Variants in ESR2 observed in about 807,000 individuals in gnomAD.
ESR2 encodes estrogen receptor 2.
Under a neutral mutation model 49.6 loss-of-function variants are expected in ESR2, and 36 were observed. The ratio of observed to expected loss-of-function variants is 0.73; its 90% confidence interval spans 0.56 to 0.96. ESR2 has a LOEUF of 0.96. Ranked by LOEUF, ESR2 falls within the 40% of genes least tolerant of loss-of-function variation. ESR2 has a pLI of 0.00. For synonymous variants in ESR2, 320 were observed against 266.1 expected, an observed-to-expected ratio of 1.20 and a Z score of -1.97; for missense variants, 714 against 693.0, an observed-to-expected ratio of 1.03 and a Z score of -0.34.
intron 1 of ESR2, among the ~76,000 whole-genome samples, chr14:64,329,211 G>C (rs966649284): frequency 3.3e-5 from 5 of 152,052 alleles, no homozygotes; most frequent in Non-Finnish European, 7.4e-5. Flanking sequence ...TAAGTACAAG[G>C]ATCTTTACAA....
At chr14:64,277,100 T>TC (rs894453877) in intron 3 of ESR2, among the ~76,000 whole-genome samples, 1 of 152,070 alleles carries the variant, frequency 6.6e-6, no homozygotes, top group African/African-American at 2.4e-5. Context: ...AGTGATGAGG[T>TC]CCTTCTCCCT....
chr14:64,294,109 G>A lies in ESR2; in HGVS notation c.-167C>T, dbSNP rs1187424625. On this transcript the variant is annotated 5_prime_UTR_variant, in exon 1 of 9. Transcript: ENST00000341099. ...TTTCCCGCATTAGGGGGGGTCTCCC[G>A]GCGCGCGCCCCGCCGCCACCTGTTG... The A allele has an allele frequency of 2.0e-5, 3 of 152,310 alleles. No homozygotes were observed. Among genetic ancestry groups the A allele is most frequent in the African/African-American group, 7.2e-5 (3 of 41,434 alleles). 9.4% of individuals were successfully genotyped at this position (152,310 alleles called of 1,614,324 possible).
At chr14:64,267,529 T>C (rs184968528) in intron 4 of ESR2, among the ~76,000 whole-genome samples, 1 of 151,954 alleles carries the variant, frequency 6.6e-6, no homozygotes, top group African/African-American at 2.4e-5. Flanking sequence ...ATCTGTTACA[T>C]ACACAGAGAA....
chr14:64,247,104 T>G (rs2075876591), intron 7 of ESR2, among the ~76,000 whole-genome samples: 1 of 152,218 alleles, frequency 6.6e-6, no homozygotes, highest in Admixed American at 6.5e-5. Flanking sequence ...ATGTATGGTC[T>G]GTTGCCCATT....
intron 1 of ESR2, among the ~76,000 whole-genome samples, chr14:64,299,467 C>A (rs2140862403): frequency 7.0e-6 from 1 of 143,394 alleles, no homozygotes; most frequent in African/African-American, 2.6e-5. Context: ...GTGGCACAAT[C>A]TTCCGCCTCA....
At chr14:64,297,633 CA>C (rs1567787610), upstream of ESR2, 2 of 152,204 alleles carry the variant, frequency 1.3e-5, no homozygotes, top group Admixed American at 6.5e-5. Flanking sequence ...ACGCGTTCAA[CA>C]AATGTTTGCT....
At chr14:64,323,795 G>A (rs1396158817) in intron 1 of ESR2, among the ~76,000 whole-genome samples, 1 of 152,072 alleles carries the variant, frequency 6.6e-6, no homozygotes, top group Non-Finnish European at 1.5e-5. Flanking sequence ...AGGTTCAATC[G>A]ATTCTCCTGC....
At chr14:64,283,800 T>C (rs1399089398) in intron 1 of ESR2, among the ~76,000 whole-genome samples, 3 of 91,652 alleles carry the variant, frequency 3.3e-5, no homozygotes, top group East Asian at 3.6e-4. Context: ...CCGAAAAAAG[T>C]TTTTAAAAGA....
chr14:64,288,710 G>A (rs568403013), intron 1 of ESR2, among the ~76,000 whole-genome samples: 2 of 151,330 alleles, frequency 1.3e-5, no homozygotes, highest in East Asian at 2.0e-4. Context: ...AGTCACCCGG[G>A]CGCGGGTGGC....
At chr14:64,260,966 G>A (rs2076209990) in intron 4 of ESR2, among the ~76,000 whole-genome samples, 1 of 142,568 alleles carries the variant, frequency 7.0e-6, no homozygotes, top group African/African-American at 2.6e-5. Context: ...TATAAAGAGT[G>A]CTCATAAACC....
intron 1 of ESR2, among the ~76,000 whole-genome samples, chr14:64,311,067 C>A (rs903142247): frequency 6.6e-6 from 1 of 152,124 alleles, no homozygotes; most frequent in African/African-American, 2.4e-5. Context: ...TCTCTAAAAT[C>A]ATTTCAACTT....
intron 1 of ESR2, chr14:64,330,768 C>T (rs375226132): frequency 1.3e-5 from 2 of 151,754 alleles, no homozygotes; most frequent in African/African-American, 4.8e-5. Context: ...GCTAAGTTAA[C>T]ACATAAAATT....
At chr14:64,333,922 C>A (rs983207469) in intron 1 of ESR2, among the ~76,000 whole-genome samples, 3 of 151,844 alleles carry the variant, frequency 2.0e-5, no homozygotes, top group Non-Finnish European at 2.9e-5. Context: ...TTTAAAAGTT[C>A]ATTATTTCAA....
intron 6 of ESR2, among the ~76,000 whole-genome samples, chr14:64,255,218 C>A (rs1180192414): frequency 6.6e-6 from 1 of 152,020 alleles, no homozygotes; most frequent in Admixed American, 6.6e-5. Context: ...ATCCTAAAGT[C>A]TGCAAATTAT....
chr14:64,254,835 A>T lies in ESR2; in HGVS notation c.1091+2391T>A, dbSNP rs576400487. On this transcript the variant is annotated intron_variant, in intron 6 of 8. Coordinates refer to ENST00000341099, the MANE Select transcript of ESR2 (RefSeq NM_001437.3). ...ACACCAGTAGTCATTCCAAAAAAAAAAAAAAATGCCTGCTCAACATGAATG... is the reference window on the plus strand; with the variant it reads ...ACACCAGTAGTCATTCCAAAAAAAATAAAAAATGCCTGCTCAACATGAATG... 2.0e-5 allele frequency among the ~76,000 whole-genome samples: 3 copies of T among 152,004 alleles called. No homozygotes were observed. In the East Asian group the frequency reaches 5.8e-4, roughly 29 times the overall value.
intron 3 of ESR2, among the ~76,000 whole-genome samples, chr14:64,276,542 T>G (rs936318447): frequency 6.6e-6 from 1 of 152,202 alleles, no homozygotes; most frequent in African/African-American, 2.4e-5. Flanking sequence ...TCTTAAGACT[T>G]GAACACTTGA....
At chr14:64,280,552 A>G (rs1016621055) in intron 2 of ESR2, among the ~76,000 whole-genome samples, 1 of 152,202 alleles carries the variant, frequency 6.6e-6, no homozygotes, top group Non-Finnish European at 1.5e-5. Flanking sequence ...TAGTTACTAG[A>G]GTTCACGAAT....
chr14:64,266,583 C>T (rs2076333601), intron 4 of ESR2, among the ~76,000 whole-genome samples: 1 of 152,208 alleles, frequency 6.6e-6, no homozygotes, highest in Non-Finnish European at 1.5e-5. Context: ...AATAGTTTAA[C>T]TTAAAACTTA....
intron 1 of ESR2, among the ~76,000 whole-genome samples, chr14:64,289,447 G>A (rs568379219): frequency 1.3e-5 from 2 of 152,218 alleles, no homozygotes; most frequent in Admixed American, 6.5e-5. Context: ...GGGAGGTGGA[G>A]GTTGCAGTGA....
Sources: gnomAD v4.1 joint callset for allele counts (sites outside exome capture counted in the v4.1 genomes callset) on GRCh38, gnomAD v4.1.1 for gene constraint, MANE v1.5 for transcripts, NCBI Gene and HGNC (gene_info 2026-07-23, HGNC 2026-07-21) for gene names.